Variants in USP40 observed in about 807,000 individuals in gnomAD.
The protein encoded by USP40 is ubiquitin carboxyl-terminal hydrolase 40.
USP40 carries 143 observed loss-of-function variants against 166.2 expected under a neutral mutation model. The observed-to-expected ratio is 0.86, with a 90% confidence interval of 0.75 to 0.99. The LOEUF (loss-of-function observed/expected upper bound fraction) is 0.99, where lower values mean the gene tolerates loss of function less well. USP40 is among the 50% of genes least tolerant of loss of function. USP40 has a pLI of 0.00. For synonymous variants in USP40, 498 were observed against 524.0 expected (o/e 0.95, Z 0.68); for missense variants, 1,444 against 1,479.7 (o/e 0.98, Z 0.40).
In USP40 at chr2:233,524,557, C is replaced by G. The variant is rs778888748; in HGVS notation, c.1816G>C (p.Glu606Gln). 1.9e-6 allele frequency: 3 copies of G among 1,600,728 alleles called. No homozygotes were observed. The highest frequency in any genetic ancestry group is 2.6e-6 in the Non-Finnish European group (3 of 1,174,206). ...LHIYQSLGGD[E>Q]LTLCETEIAD... Reference sequence around the variant, plus strand: ...ATTTCAGTTTCACACAGTGTCAGTTCATCCCCTAGAAAGAGATCACCAGTG... The same window carrying G: ...ATTTCAGTTTCACACAGTGTCAGTTGATCCCCTAGAAAGAGATCACCAGTG... Residue 606 changes from glutamate to glutamine, a missense_variant, in exon 15 of 32, where the codon GAA (glutamate) becomes CAA (glutamine). By Grantham distance (29) the Glu-to-Gln change is conservative (BLOSUM62 2). Transcript: ENST00000678225.
In USP40 at chr2:233,559,897, G is replaced by C. The variant is rs751243080; in HGVS notation, c.295C>G (p.Arg99Gly). The C allele has an allele frequency of 1.9e-6, 3 of 1,608,024 alleles. No individual in the cohort carries two copies. The highest frequency in any genetic ancestry group is 2.2e-5 in the South Asian group (2 of 89,428). ...KVRIIPLQLQRLFAQLLLLDQ... is the reference protein window; with the variant it reads ...KVRIIPLQLQGLFAQLLLLDQ... ...AAGAGCAGAAGCTGAGCAAACAAGC[G>C]CTGTAACTGTAAAGGGATGATTCGA... Residue 99 changes from arginine (R) to glycine (G), a missense_variant, in exon 4 of 32, where the codon CGC (arginine) becomes GGC (glycine). Arg to Gly is a moderately radical substitution (Grantham distance 125). Coordinates refer to ENST00000678225, the MANE Select transcript of USP40 (RefSeq NM_001365479.2).
intron 6 of USP40, among the ~76,000 whole-genome samples, chr2:233,553,501 T>C (rs931091503): frequency 6.6e-6 from 1 of 152,108 alleles, no homozygotes; most frequent in East Asian, 1.9e-4. Context: ...AAAACACCAA[T>C]ATGTGGCAGA....
chr2:233,524,553 A>G lies in USP40; in HGVS notation c.1820T>C (p.Leu607Pro). 6.2e-7 allele frequency: 1 copy of G among 1,601,630 alleles called. No individual in the cohort carries two copies. Among genetic ancestry groups the G allele is most frequent in the Non-Finnish European group, 8.5e-7 (1 of 1,174,704 alleles). Residue 607 changes from leucine (L) to proline (P), a missense_variant, in exon 15 of 32, where the codon CTG (leucine) becomes CCG (proline). Coordinates refer to ENST00000678225, the MANE Select transcript of USP40 (RefSeq NM_001365479.2). The stretch of plus-strand genomic sequence containing the variant: ...AGCAATTTCAGTTTCACACAGTGTC[A>G]GTTCATCCCCTAGAAAGAGATCACC... ...HIYQSLGGDELTLCETEIADG... is the reference protein window; with the variant it reads ...HIYQSLGGDEPTLCETEIADG...
intron 18 of USP40, among the ~76,000 whole-genome samples, chr2:233,513,239 T>C (rs1168204772): frequency 2.0e-5 from 3 of 152,210 alleles, no homozygotes; most frequent in African/African-American, 7.2e-5. Flanking sequence ...GTCTCTTGAG[T>C]GACTGCAGGG....
At chr2:233,527,678 T>A (rs2068135821) in intron 12 of USP40, 100 bp from the exon 13 acceptor site, 3 of 1,117,536 alleles carry the variant, frequency 2.7e-6, no homozygotes, top group African/African-American at 3.2e-5. Flanking sequence ...AAGTTCTCCA[T>A]CCCACCAAAG....
At chr2:233,488,361 T>A (rs1362319838) in intron 27 of USP40, 57 bp from the exon 28 acceptor site, 5 of 959,308 alleles carry the variant, frequency 5.2e-6, no homozygotes, top group African/African-American at 1.8e-5. Flanking sequence ...TTTTCTTGAA[T>A]TTTTTTTCCC....
rs545535270 is a variant in USP40, at chr2:233,515,254, C to T, written c.2384-2632G>A. On this transcript the variant is annotated intron_variant, in intron 18 of 31. Transcript: ENST00000678225. ...AACTCTTATTCAGTAAATACCTAGACGTAGAATTGGTAAGTGGATGTTTAA... is the reference window on the plus strand; with the variant it reads ...AACTCTTATTCAGTAAATACCTAGATGTAGAATTGGTAAGTGGATGTTTAA... Among the ~76,000 whole-genome samples, 17 of 152,270 alleles carry T rather than the reference C, an allele frequency of 1.1e-4. No homozygotes were observed. The South Asian group carries it at 1.9e-3, about 17-fold the overall frequency.
intron 7 of USP40, among the ~76,000 whole-genome samples, chr2:233,549,990 T>C (rs995195520): frequency 6.6e-6 from 1 of 152,132 alleles, no homozygotes; most frequent in African/African-American, 2.4e-5. Flanking sequence ...TTTATTTAAA[T>C]TTCTGATGCA....
intron 13 of USP40, among the ~76,000 whole-genome samples, chr2:233,526,325 A>G (rs1407185428): frequency 6.6e-6 from 1 of 152,228 alleles, no homozygotes; most frequent in Non-Finnish European, 1.5e-5. Context: ...TACAAAGTGA[A>G]TAAGATCCTT....
At chr2:233,497,264 C>T (rs931107853) in intron 23 of USP40, among the ~76,000 whole-genome samples, 20 of 152,146 alleles carry the variant, frequency 1.3e-4, no homozygotes, top group African/African-American at 4.3e-4. Context: ...TGGAAAGTAC[C>T]AGGAGGTCAC....
At chr2:233,525,643 A>C in intron 13 of USP40, 81 bp from the exon 14 acceptor site, 1 of 1,009,942 alleles carries the variant, frequency 9.9e-7, no homozygotes. Flanking sequence ...GTGCCAACTC[A>C]CATATGAAGA....
chr2:233,555,271 T>G (rs1162637021), intron 5 of USP40, among the ~76,000 whole-genome samples: 1 of 152,188 alleles, frequency 6.6e-6, no homozygotes, highest in East Asian at 1.9e-4. Context: ...AAAAGAGGGT[T>G]TATGAAATCT....
At chr2:233,498,451 G>A (rs976600560) in intron 23 of USP40, 97 bp downstream of exon 23, 2 of 1,076,362 alleles carry the variant, frequency 1.9e-6, no homozygotes, top group Non-Finnish European at 2.7e-6. Flanking sequence ...CCTATAGAAA[G>A]TAATTAAAGC....
intron 31 of USP40, among the ~76,000 whole-genome samples, chr2:233,477,900 G>GC (rs1217986855): frequency 6.6e-6 from 1 of 152,256 alleles, no homozygotes; most frequent in Non-Finnish European, 1.5e-5. Context: ...GGCTGCCTCT[G>GC]CCCCTTCAGT....
chr2:233,489,640 C>G, intron 26 of USP40, 157 bp from the exon 27 acceptor site: 1 of 653,582 alleles, frequency 1.5e-6, no homozygotes, highest in Non-Finnish European at 2.6e-6. Context: ...AGGAATCTCT[C>G]TCTCTCTTAA....
chr2:233,536,541 C>T (rs988431422), intron 10 of USP40, among the ~76,000 whole-genome samples: 3 of 152,188 alleles, frequency 2.0e-5, no homozygotes, highest in African/African-American at 7.2e-5. Flanking sequence ...ATCTCAGCTA[C>T]TCGGGAGGCT....
intron 4 of USP40, among the ~76,000 whole-genome samples, chr2:233,557,871 A>G (rs1286103361): frequency 6.6e-6 from 1 of 152,146 alleles, no homozygotes; most frequent in African/African-American, 2.4e-5. Context: ...GTTTCAACCA[A>G]GAGCAATAGC....
At position 233,477,174 on chromosome 2, in the gene USP40, C is replaced by G. The variant is rs561081161; in HGVS notation, c.*218G>C. Reference sequence around the variant, plus strand: ...CAGCACCTACTGGCAGCTGGGTGGGCGACATCCAGAGCTGCACCAGCCCCC... The same window carrying G: ...CAGCACCTACTGGCAGCTGGGTGGGGGACATCCAGAGCTGCACCAGCCCCC... On this transcript the variant is annotated 3_prime_UTR_variant, in exon 32 of 32. Coordinates refer to ENST00000678225, the MANE Select transcript of USP40 (RefSeq NM_001365479.2). The G allele has an allele frequency of 1.8e-6, 1 of 554,634 alleles. No homozygotes were observed. 34.4% of individuals were successfully genotyped at this position (554,634 alleles called of 1,614,324 possible).
intron 8 of USP40, chr2:233,546,281 C>T (rs1265088582): frequency 6.6e-6 from 1 of 152,224 alleles, no homozygotes; most frequent in East Asian, 1.9e-4. Context: ...GAAACCACAA[C>T]CCAAAAGAAA....
Sources: gnomAD v4.1 joint callset for allele counts (sites outside exome capture counted in the v4.1 genomes callset) on GRCh38, gnomAD v4.1.1 for gene constraint, MANE v1.5 for transcripts, NCBI Gene and HGNC (gene_info 2026-07-23, HGNC 2026-07-21) for gene names.